The following TENM1 variants were observed in gnomAD, a reference collection of about 807,000 sequenced individuals.
TENM1 encodes the protein teneurin transmembrane protein 1.
TENM1 carries 35 observed loss-of-function variants against 174.8 expected under a neutral mutation model. The ratio of observed to expected loss-of-function variants is 0.20; its 90% CI spans 0.15 to 0.27. The LOEUF is 0.27. Among genes scored for constraint, TENM1 ranks in the 10% least tolerant of loss-of-function variants. TENM1 has a pLI of 1.00. For synonymous variants in TENM1, 781 were observed against 798.7 expected (o/e 0.98, Z 0.37); for missense variants, 1,633 against 2,130.1 (o/e 0.77, Z 4.59).
chrX:125,192,576 G>T, the TENM1 span, among the ~76,000 whole-genome samples: 4 of 111,486 alleles, frequency 3.6e-5, no homozygotes. Flanking sequence ...TTGTTCTAGA[G>T]TGTTAGTAAT....
At chrX:125,030,298 A>T in the TENM1 span, among the ~76,000 whole-genome samples, 1 of 111,812 alleles carries the variant, frequency 8.9e-6, no homozygotes, top group African/African-American at 3.3e-5. Flanking sequence ...GGGAAAATAC[A>T]TCTCTCATTC....
At chrX:125,133,594 T>A in the TENM1 span, among the ~76,000 whole-genome samples, 1 of 111,118 alleles carries the variant, frequency 9.0e-6, no homozygotes, top group Non-Finnish European at 1.9e-5. Context: ...TCTCCTCCCC[T>A]CTCACTTACT....
chrX:125,193,924 A>G, the TENM1 span, among the ~76,000 whole-genome samples: 1 of 110,706 alleles, frequency 9.0e-6, no homozygotes, highest in East Asian at 2.9e-4. Flanking sequence ...AGCTGGGACT[A>G]AAGAGATGTA....
At chrX:124,747,032 G>A (rs1020621495) in intron 3 of TENM1, among the ~76,000 whole-genome samples, 3 of 109,428 alleles carry the variant, frequency 2.7e-5, no homozygotes, top group African/African-American at 6.7e-5. Context: ...CGTTCCTGTA[G>A]TCCTAGCTAC....
exon 6 of TENM1, chrX:124,671,762 T>G: frequency 8.3e-7 from 1 of 1,210,832 alleles, no homozygotes; most frequent in Non-Finnish European, 1.1e-6. Context: ...CCCTGTTCCC[T>G]TTGCTAACTC....
the TENM1 span, among the ~76,000 whole-genome samples, chrX:124,998,150 C>A: frequency 9.3e-6 from 1 of 107,740 alleles, no homozygotes; most frequent in South Asian, 4.0e-4. Flanking sequence ...TCTCAGATTG[C>A]CACTAGTTTC....
chrX:124,778,006 A>G (rs1366251414), intron 3 of TENM1, among the ~76,000 whole-genome samples: 2 of 112,918 alleles, frequency 1.8e-5, no homozygotes, highest in Non-Finnish European at 3.7e-5. Flanking sequence ...GATAGGCCAG[A>G]TTTGGCCCAC....
intron 4 of TENM1, among the ~76,000 whole-genome samples, chrX:124,705,818 A>G (rs920754109): frequency 8.9e-6 from 1 of 112,267 alleles, no homozygotes; most frequent in African/African-American, 3.2e-5. Flanking sequence ...TCACTTTGTC[A>G]CATACTTATT....
the TENM1 span, among the ~76,000 whole-genome samples, chrX:124,982,342 T>C: frequency 9.7e-6 from 1 of 102,779 alleles, no homozygotes; most frequent in African/African-American, 3.4e-5. Context: ...CAAAAGCAAC[T>C]AAGTTCTCCT....
intron 3 of TENM1, among the ~76,000 whole-genome samples, chrX:124,743,543 T>C (rs2053848860): frequency 8.9e-6 from 1 of 111,975 alleles, no homozygotes; most frequent in African/African-American, 3.2e-5. Flanking sequence ...GGGGGAAAGC[T>C]AACAATAAAT....
the TENM1 span, among the ~76,000 whole-genome samples, chrX:125,138,226 G>C: frequency 9.4e-6 from 1 of 106,009 alleles, no homozygotes; most frequent in Non-Finnish European, 1.9e-5. Flanking sequence ...ACACACCTCA[G>C]GGAGACAGCA....
chrX:125,124,607 T>C, the TENM1 span, among the ~76,000 whole-genome samples: 2 of 112,440 alleles, frequency 1.8e-5, no homozygotes, highest in South Asian at 7.4e-4. Context: ...CAAGCAACTG[T>C]CATGCCAAGT....
At chrX:124,578,229 G>C (rs2049218841) in intron 11 of TENM1, among the ~76,000 whole-genome samples, 1 of 111,758 alleles carries the variant, frequency 8.9e-6, no homozygotes, top group Admixed American at 9.5e-5. Context: ...CATCCAGTCT[G>C]ATTTTACTAT....
intron 20 of TENM1, among the ~76,000 whole-genome samples, chrX:124,488,950 A>G (rs2047007969): frequency 8.9e-6 from 1 of 112,800 alleles, no homozygotes; most frequent in Non-Finnish European, 1.9e-5. Flanking sequence ...ATTTGGAAAG[A>G]TGTCCCATAT....
At chrX:124,557,408 G>A (rs926933168) in intron 14 of TENM1, among the ~76,000 whole-genome samples, 1 of 108,825 alleles carries the variant, frequency 9.2e-6, no homozygotes, top group East Asian at 2.9e-4. Flanking sequence ...TCCTATTATG[G>A]TTTCTTTTTA....
At chrX:124,498,719 G>A (rs1245740585) in intron 19 of TENM1, among the ~76,000 whole-genome samples, 2 of 109,302 alleles carry the variant, frequency 1.8e-5, no homozygotes, top group Non-Finnish European at 3.8e-5. Context: ...TCCCTCCTCT[G>A]TGTGCCCATA....
chrX:124,678,803 C>T (rs1335544131), intron 5 of TENM1, among the ~76,000 whole-genome samples: 1 of 110,960 alleles, frequency 9.0e-6, no homozygotes, highest in African/African-American at 3.3e-5. Context: ...GGGAAGAATT[C>T]CTTTTAGGTA....
chrX:124,679,924 T>A (rs1474150136), intron 5 of TENM1, among the ~76,000 whole-genome samples: 2 of 111,924 alleles, frequency 1.8e-5, no homozygotes, highest in Non-Finnish European at 3.8e-5. Flanking sequence ...CTTAAATGTT[T>A]CTTTTTAAAG....
intron 1 of TENM1, among the ~76,000 whole-genome samples, chrX:124,923,349 T>C (rs1468008223): frequency 1.8e-5 from 2 of 112,018 alleles, no homozygotes; most frequent in Non-Finnish European, 1.9e-5. Flanking sequence ...TGAAACAGTT[T>C]CATCATTTTG....
Sources: gnomAD v4.1 joint callset for allele counts (sites outside exome capture counted in the v4.1 genomes callset) on GRCh38, gnomAD v4.1.1 for gene constraint, MANE v1.5 for transcripts, NCBI Gene and HGNC (gene_info 2026-07-23, HGNC 2026-07-21) for gene names.